Variants in EVL observed in about 807,000 individuals in gnomAD.
EVL encodes Enah/Vasp-like.
A neutral mutation model predicts 59.6 loss-of-function variants in EVL; 21 were observed. That is an observed-to-expected ratio of 0.35 (90% CI 0.25 to 0.51). The LOEUF is 0.51. EVL is among the 20% of genes least tolerant of loss of function. The pLI is 0.97. For synonymous variants in EVL, 198 were observed against 203.5 expected (o/e 0.97, Z 0.23); for missense variants, 462 against 546.6 (o/e 0.85, Z 1.54).
intron 1 of EVL, among the ~76,000 whole-genome samples, chr14:100,015,423 AG>A (rs1285634859): frequency 2.6e-5 from 4 of 152,174 alleles, no homozygotes; most frequent in African/African-American, 9.7e-5. Context: ...GTTTCTCCGG[AG>A]AAGTCCCGGG....
intron 11 of EVL, chr14:100,140,671 G>A (rs1889111679): frequency 6.5e-6 from 1 of 152,796 alleles, no homozygotes. Flanking sequence ...GGTGTGCTAT[G>A]CCCGAGCAGG....
intron 3 of EVL, among the ~76,000 whole-genome samples, chr14:100,112,756 C>G (rs1268303204): frequency 6.6e-6 from 1 of 152,238 alleles, no homozygotes; most frequent in African/African-American, 2.4e-5. Context: ...GACCCACACA[C>G]ATTCCTTTAA....
intron 5 of EVL, 53 bp downstream of exon 5, chr14:100,126,824 C>G (rs550242076): frequency 6.3e-7 from 1 of 1,580,214 alleles, no homozygotes; most frequent in African/African-American, 1.3e-5. Context: ...CAGGTGGCAG[C>G]CCCTCCACGT....
At chr14:100,007,342 A>G (rs2060988889) in intron 1 of EVL, among the ~76,000 whole-genome samples, 1 of 152,188 alleles carries the variant, frequency 6.6e-6, no homozygotes, top group Non-Finnish European at 1.5e-5. Flanking sequence ...GAGGCAAATC[A>G]GATTTTTCTC....
chr14:100,023,196 CT>C (rs879309983), intron 1 of EVL, among the ~76,000 whole-genome samples: 3,132 of 137,994 alleles, frequency 0.023, 103 homozygotes, highest in African/African-American at 0.08. Context: ...TCCTTTTGCC[CT>C]TTTTTTTTTT....
At chr14:100,083,123 A>G (rs2062348931) in intron 1 of EVL, among the ~76,000 whole-genome samples, 1 of 152,222 alleles carries the variant, frequency 6.6e-6, no homozygotes, top group Non-Finnish European at 1.5e-5. Flanking sequence ...GCACCAACTC[A>G]GATCCCTCTG....
intron 2 of EVL, among the ~76,000 whole-genome samples, chr14:100,086,132 AGTCTTTCTAACCTTG>A (rs891091481): frequency 2.0e-5 from 3 of 152,218 alleles, no homozygotes; most frequent in African/African-American, 7.2e-5. Flanking sequence ...CCGAAAAGAT[AGTCTTTCTAACCTTG>A]AAATCTTGGT....
At chr14:100,105,097 A>G (rs562959474) in intron 3 of EVL, among the ~76,000 whole-genome samples, 1 of 152,062 alleles carries the variant, frequency 6.6e-6, no homozygotes, top group South Asian at 2.1e-4. Context: ...GGGCAGCTGC[A>G]GCCAGTGCCC....
chr14:100,112,350 G>A (rs568313432), intron 3 of EVL, among the ~76,000 whole-genome samples: 1 of 152,274 alleles, frequency 6.6e-6, no homozygotes, highest in East Asian at 1.9e-4. Context: ...TGTCTGACTG[G>A]CTTGCTCCTG....
chr14:100,143,806 A>G lies in EVL; in HGVS notation c.*68A>G. 1 of 1,571,838 alleles carries G rather than the reference A, an allele frequency of 6.4e-7. No homozygotes were observed. Among genetic ancestry groups the G allele is most frequent in the Non-Finnish European group, 8.7e-7 (1 of 1,155,604 alleles). ...ACAGAGGACAGCCAGAAGCCCAGCC[A>G]GCCCCAGACTCCAGTGCACCAGAGC... On this transcript the variant is annotated 3_prime_UTR_variant, in exon 14 of 14. Coordinates refer to ENST00000392920, the MANE Select transcript of EVL (RefSeq NM_016337.3).
intron 1 of EVL, among the ~76,000 whole-genome samples, chr14:100,001,321 T>C (rs770060061): frequency 6.6e-6 from 1 of 152,180 alleles, no homozygotes; most frequent in South Asian, 2.1e-4. Context: ...TGGAAACTTA[T>C]AGCCAGGAAA....
At position 100,128,561 on chromosome 14, in the gene EVL, C is replaced by T. The variant is rs1888224691; in HGVS notation, c.530C>T (p.Ala177Val). 1.2e-6 allele frequency: 2 copies of T among 1,610,964 alleles called. No homozygotes were observed. Among genetic ancestry groups the T allele is most frequent in the Non-Finnish European group, 1.7e-6 (2 of 1,179,498 alleles). The stretch of plus-strand genomic sequence containing the variant: ...GGACATCCTTCATCTGCAGCCAGCG[C>T]CCCCGTCTCATGTAGTGGGCCTCCA... ...PPGHPSSAAS[A>V]PVSCSGPPPP... Residue 177 changes from alanine (A) to valine (V), a missense_variant, in exon 6 of 14, where the codon GCC (alanine) becomes GTC (valine). By Grantham distance (64) the Ala-to-Val change is moderately conservative. Coordinates refer to ENST00000392920, the MANE Select transcript of EVL (RefSeq NM_016337.3).
chr14:100,100,988 A>G (rs150200657), intron 3 of EVL, among the ~76,000 whole-genome samples: 3 of 152,196 alleles, frequency 2.0e-5, no homozygotes, highest in East Asian at 1.9e-4. Flanking sequence ...TATACTTTGT[A>G]TCTCATGTGT....
chr14:99,978,829 A>T (rs1217796894), intron 1 of EVL, among the ~76,000 whole-genome samples: 1 of 152,226 alleles, frequency 6.6e-6, no homozygotes, highest in African/African-American at 2.4e-5. Flanking sequence ...CTAGAATGTA[A>T]TATCCAAACT....
At chr14:100,072,266 T>C (rs2062063349) in intron 1 of EVL, among the ~76,000 whole-genome samples, 1 of 152,194 alleles carries the variant, frequency 6.6e-6, no homozygotes, top group South Asian at 2.1e-4. Flanking sequence ...CCTCTGTCGC[T>C]CAGGCTGGAG....
chr14:100,059,335 C>A (rs2061783940), intron 1 of EVL, among the ~76,000 whole-genome samples: 1 of 152,100 alleles, frequency 6.6e-6, no homozygotes. Context: ...AGTGGTGGAG[C>A]CCAAATGGAA....
At chr14:100,040,201 C>A (rs1256275535) in intron 1 of EVL, among the ~76,000 whole-genome samples, 2 of 152,228 alleles carry the variant, frequency 1.3e-5, no homozygotes, top group African/African-American at 4.8e-5. Flanking sequence ...GCCCTTACTA[C>A]AGATTTTTAC....
intron 1 of EVL, among the ~76,000 whole-genome samples, chr14:99,999,593 T>A (rs1390607175): frequency 6.6e-6 from 1 of 152,178 alleles, no homozygotes; most frequent in Non-Finnish European, 1.5e-5. Context: ...AGGCCAGGAA[T>A]TAGAGACCAG....
rs1374341325 is a variant in EVL at position 100,114,171 on chromosome 14, G to GT, written c.359-9368_359-9367insT. 3.4e-4 allele frequency among the ~76,000 whole-genome samples: 10 copies of GT among 29,020 alleles called. No individual in the cohort carries two copies. In the East Asian group the frequency reaches 0.013, roughly 37 times the overall value. The allele number at this position is 29,020 out of a possible 152,430, so 19.0% of individuals were successfully genotyped here. On this transcript the variant is annotated intron_variant, in intron 3 of 13. Transcript: ENST00000392920. The surrounding 1 kb of genome is among the most constrained non-coding windows in gnomAD (Gnocchi z 5.0). ...GCAAGGAGCGAAGCGAAGGAGGGCC[G>GT]GGGGGGAATCAAATGAGCCTTACTT...
Sources: gnomAD v4.1 joint callset for allele counts (sites outside exome capture counted in the v4.1 genomes callset) on GRCh38, gnomAD v4.1.1 for gene constraint, Gnocchi (gnomAD v3.1) non-coding constraint, MANE v1.5 for transcripts, NCBI Gene and HGNC (gene_info 2026-07-23, HGNC 2026-07-21) for gene names.